The following BICC1 variants were observed in gnomAD, a reference collection of about 807,000 sequenced individuals.
BICC1 encodes protein bicaudal C homolog 1.
In BICC1, 43 loss-of-function variants were observed where a neutral mutation model predicts 111.0. That is an observed-to-expected ratio of 0.39 (90% CI 0.30 to 0.50). BICC1 has a LOEUF of 0.50. Among genes scored for constraint, BICC1 ranks in the 20% least tolerant of loss-of-function variants. BICC1 has a pLI of 0.88. For missense variants in BICC1, 1,091 were observed against 1,203.2 expected (o/e 0.91, Z 1.38); for synonymous variants, 467 against 434.4 (o/e 1.07, Z -0.93).
At chr10:58,607,897 C>T (rs1845282200) in intron 1 of BICC1, among the ~76,000 whole-genome samples, 1 of 152,144 alleles carries the variant, frequency 6.6e-6, no homozygotes, top group African/African-American at 2.4e-5. Context: ...TAGAACTGGA[C>T]ATGTGGAGAA....
rs568602409 is a variant in BICC1 at position 58,657,402 on chromosome 10, C to T, written c.237+36501C>T. Among the ~76,000 whole-genome samples the T allele has an allele frequency of 5.3e-5, 8 of 152,164 alleles. No individual in the cohort carries two copies. The South Asian group carries it at 8.3e-4, about 16-fold the overall frequency. On this transcript the variant is annotated intron_variant, in intron 2 of 20. Coordinates refer to ENST00000373886, the MANE Select transcript of BICC1 (RefSeq NM_001080512.3). ...TGCTTTTTTGTATGTTCCTGAGGAACGTGCACTAGTAGTTTTTGTGTATCT... is the reference window on the plus strand; with the variant it reads ...TGCTTTTTTGTATGTTCCTGAGGAATGTGCACTAGTAGTTTTTGTGTATCT...
intron 3 of BICC1, among the ~76,000 whole-genome samples, chr10:58,712,419 G>T (rs993394217): frequency 2.6e-5 from 4 of 152,170 alleles, no homozygotes; most frequent in African/African-American, 9.7e-5. Context: ...GCTTATAGCA[G>T]CTTTATTTGT....
chr10:58,653,988 A>C (rs1042698645), intron 2 of BICC1, among the ~76,000 whole-genome samples: 1 of 151,508 alleles, frequency 6.6e-6, no homozygotes, highest in Non-Finnish European at 1.5e-5. Flanking sequence ...AATTTCATCC[A>C]TGTCCCTACA....
intron 1 of BICC1, among the ~76,000 whole-genome samples, chr10:58,547,657 T>TATAC (rs1843176265): frequency 6.7e-6 from 1 of 148,318 alleles, no homozygotes; most frequent in African/African-American, 2.4e-5. Flanking sequence ...CTTCTCTGTG[T>TATAC]ATACATGCAT....
At chr10:58,810,510 T>C (rs1366395016) in intron 17 of BICC1, among the ~76,000 whole-genome samples, 1 of 152,148 alleles carries the variant, frequency 6.6e-6, no homozygotes, top group Non-Finnish European at 1.5e-5. Context: ...GTATATAAGT[T>C]AGACTTGAGC....
intron 2 of BICC1, among the ~76,000 whole-genome samples, chr10:58,633,814 C>T (rs914119665): frequency 1.2e-4 from 18 of 151,954 alleles, no homozygotes; most frequent in African/African-American, 4.4e-4. Context: ...ATAAAAGATT[C>T]CCTGAAATCA....
chr10:58,668,819 C>T (rs150283707), intron 2 of BICC1, among the ~76,000 whole-genome samples: 1 of 152,152 alleles, frequency 6.6e-6, no homozygotes, highest in Non-Finnish European at 1.5e-5. Context: ...GGAGTTGGGA[C>T]CAGCCTTGAG....
At chr10:58,647,187 T>A (rs1838295687) in intron 2 of BICC1, among the ~76,000 whole-genome samples, 1 of 152,182 alleles carries the variant, frequency 6.6e-6, no homozygotes, top group Non-Finnish European at 1.5e-5. Context: ...AAATACAGAT[T>A]TACAAAATCC....
At chr10:58,660,608 T>C (rs1838811433) in intron 2 of BICC1, among the ~76,000 whole-genome samples, 1 of 152,194 alleles carries the variant, frequency 6.6e-6, no homozygotes, top group Non-Finnish European at 1.5e-5. Flanking sequence ...GTATTAACTT[T>C]ATGCCTAATT....
intron 3 of BICC1, among the ~76,000 whole-genome samples, chr10:58,743,823 T>C (rs1298041104): frequency 1.3e-5 from 2 of 150,410 alleles, no homozygotes; most frequent in African/African-American, 4.9e-5. Flanking sequence ...GTTTTAAAAA[T>C]AAAAATGGTT....
At position 58,629,852 on chromosome 10, in the gene BICC1, T is replaced by C. The variant is rs540925712; in HGVS notation, c.237+8951T>C. On this transcript the variant is annotated intron_variant, in intron 2 of 20. Coordinates refer to ENST00000373886, the MANE Select transcript of BICC1 (RefSeq NM_001080512.3). ...AGTATGTTGCGTTAAAATTTGTTTT[T>C]TGGCCAATTCAATTCTTTAACCTTT... Among the ~76,000 whole-genome samples the C allele has an allele frequency of 1.3e-3, 192 of 152,312 alleles. 1 individual carries two copies. The highest frequency in any genetic ancestry group is 4.3e-3 in the Admixed American group (66 of 15,308).
chr10:58,793,735 T>C, intron 9 of BICC1, 120 bp downstream of exon 9: 1 of 1,100,910 alleles, frequency 9.1e-7, no homozygotes, highest in South Asian at 1.6e-5. Flanking sequence ...AGGTTGAATA[T>C]CCCCAATCCG....
intron 1 of BICC1, among the ~76,000 whole-genome samples, chr10:58,611,235 A>G (rs1588925761): frequency 1.3e-5 from 2 of 152,364 alleles, no homozygotes; most frequent in East Asian, 1.9e-4. Context: ...AAGCAATTCA[A>G]GCTATTTAAA....
At chr10:58,622,682 T>C (rs534335557) in intron 2 of BICC1, among the ~76,000 whole-genome samples, 1 of 152,346 alleles carries the variant, frequency 6.6e-6, no homozygotes, top group African/African-American at 2.4e-5. Flanking sequence ...AAAAAATCTC[T>C]AACTTAGAAA....
At chr10:58,684,153 T>G (rs973638326) in intron 2 of BICC1, among the ~76,000 whole-genome samples, 33 of 152,172 alleles carry the variant, frequency 2.2e-4, no homozygotes, top group African/African-American at 7.5e-4. Context: ...TTCTCTTTGG[T>G]TTTGTTTATA....
intron 1 of BICC1, among the ~76,000 whole-genome samples, chr10:58,586,275 G>GA (rs1159945388): frequency 6.6e-6 from 1 of 152,022 alleles, no homozygotes; most frequent in Non-Finnish European, 1.5e-5. Context: ...AAAGATTGAG[G>GA]GATTGGTGGG....
chr10:58,554,086 A>AT (rs1156420353), intron 1 of BICC1, among the ~76,000 whole-genome samples: 6 of 152,108 alleles, frequency 3.9e-5, no homozygotes, highest in African/African-American at 1.4e-4. Context: ...AATGAATTAC[A>AT]TTTTCTCAAG....
rs146029783 is a variant in BICC1 at position 58,812,860 on chromosome 10, C to T, written c.2377-970C>T. 6.1e-3 allele frequency among the ~76,000 whole-genome samples: 925 copies of T among 152,158 alleles called. 10 individuals carry two copies. Among genetic ancestry groups the T allele is most frequent in the African/African-American group, 0.021 (882 of 41,504 alleles). On this transcript the variant is annotated intron_variant, in intron 17 of 20. Transcript: ENST00000373886. ...CTACTGTCATTACTTTTTGAAAGGA[C>T]TTGAGATTACTTAAGAAAGTAGACA...
At chr10:58,584,085 C>T (rs1844364836) in intron 1 of BICC1, among the ~76,000 whole-genome samples, 1 of 151,894 alleles carries the variant, frequency 6.6e-6, no homozygotes, top group Non-Finnish European at 1.5e-5. Context: ...CACACACACA[C>T]ACACACACAC....
Sources: gnomAD v4.1 joint callset for allele counts (sites outside exome capture counted in the v4.1 genomes callset) on GRCh38, gnomAD v4.1.1 for gene constraint, MANE v1.5 for transcripts, NCBI Gene and HGNC (gene_info 2026-07-23, HGNC 2026-07-21) for gene names.